The following ADGRL2 variants were observed in gnomAD, a reference collection of about 807,000 sequenced individuals.
ADGRL2 encodes calcium-independent alpha-latrotoxin receptor 2.
ADGRL2 carries 44 observed loss-of-function variants against 157.4 expected under a neutral mutation model. That is an observed-to-expected ratio of 0.28 (90% CI 0.22 to 0.36). The LOEUF is 0.36. ADGRL2 is among the 10% of genes least tolerant of loss of function. ADGRL2 has a pLI of 1.00. For synonymous variants in ADGRL2, 585 were observed against 624.7 expected, an observed-to-expected ratio of 0.94 and a Z score of 0.95; for missense variants, 1,510 against 1,768.9, an observed-to-expected ratio of 0.85 and a Z score of 2.63.
intron 2 of ADGRL2, among the ~76,000 whole-genome samples, chr1:81,785,361 T>C (rs1316152541): frequency 2.0e-5 from 3 of 152,158 alleles, no homozygotes; most frequent in Admixed American, 6.5e-5. Context: ...TCAGAAATTA[T>C]ATATTACTTA....
intron 1 of ADGRL2, among the ~76,000 whole-genome samples, chr1:81,333,316 C>A (rs775097452): frequency 3.3e-5 from 5 of 152,022 alleles, no homozygotes; most frequent in Non-Finnish European, 5.9e-5. Flanking sequence ...TTTTATGGTA[C>A]CTTATTAGAG....
At chr1:81,502,904 C>T in intron 2 of ADGRL2, 3 of 1,613,326 alleles carry the variant, frequency 1.9e-6, no homozygotes, top group South Asian at 1.1e-5. Flanking sequence ...AGCAGTGGCA[C>T]CAATACCAGT....
intron 1 of ADGRL2, among the ~76,000 whole-genome samples, chr1:81,409,677 T>G (rs1411871691): frequency 1.3e-5 from 2 of 152,206 alleles, no homozygotes; most frequent in African/African-American, 4.8e-5. Flanking sequence ...GGTGTAAGGG[T>G]GACTTTGTGA....
chr1:81,425,071 C>T (rs2077187810), intron 1 of ADGRL2, among the ~76,000 whole-genome samples: 1 of 152,170 alleles, frequency 6.6e-6, no homozygotes, highest in African/African-American at 2.4e-5. Context: ...TCAGCAGAGG[C>T]TTTCTAAATC....
chr1:81,856,730 C>T (rs916271255), intron 2 of ADGRL2, among the ~76,000 whole-genome samples: 1 of 151,750 alleles, frequency 6.6e-6, no homozygotes, highest in Non-Finnish European at 1.5e-5. Context: ...AAGTTACTGC[C>T]ATTAACAATA....
Position 81,849,208 on chromosome 1 carries a change from T to C in ADGRL2, c.73+12151T>C, listed in dbSNP as rs116735263. ...GATAGCACTGATTGAGTGGAAAACC[T>C]TCAGTGACAAAAGACTGGATATAGG... On this transcript the variant is annotated intron_variant, in intron 2 of 23. Transcript: ENST00000686636. Among the ~76,000 whole-genome samples the C allele has an allele frequency of 5.3e-3, 807 of 152,062 alleles. 10 individuals carry two copies. Among genetic ancestry groups the C allele is most frequent in the African/African-American group, 0.019 (770 of 41,562 alleles).
intron 1 of ADGRL2, among the ~76,000 whole-genome samples, chr1:81,759,001 A>C (rs2085782973): frequency 6.6e-6 from 1 of 152,158 alleles, no homozygotes; most frequent in Non-Finnish European, 1.5e-5. Flanking sequence ...CTGTATCATT[A>C]ATGAGAAGTT....
chr1:81,779,679 T>C (rs2086736146), intron 2 of ADGRL2, among the ~76,000 whole-genome samples: 1 of 152,228 alleles, frequency 6.6e-6, no homozygotes, highest in South Asian at 2.1e-4. Flanking sequence ...CTGGTTTCTT[T>C]AGTTTCCTCC....
intron 1 of ADGRL2, among the ~76,000 whole-genome samples, chr1:81,413,610 A>G (rs1306176136): frequency 6.6e-6 from 1 of 152,192 alleles, no homozygotes; most frequent in African/African-American, 2.4e-5. Context: ...CTCGTTCGAG[A>G]GTTGTTTTGG....
chr1:81,436,515 G>A (rs1160969430), intron 1 of ADGRL2, among the ~76,000 whole-genome samples: 1 of 152,178 alleles, frequency 6.6e-6, no homozygotes, highest in African/African-American at 2.4e-5. Context: ...AGCCATGAGT[G>A]CTGGGATCAC....
At chr1:81,848,900 C>A (rs747955263) in intron 2 of ADGRL2, among the ~76,000 whole-genome samples, 6 of 152,092 alleles carry the variant, frequency 3.9e-5, no homozygotes, top group Non-Finnish European at 5.9e-5. Context: ...TATCAGTCAT[C>A]ATTAAAACAG....
intron 1 of ADGRL2, among the ~76,000 whole-genome samples, chr1:81,382,354 A>G (rs2076358082): frequency 6.6e-6 from 1 of 152,284 alleles, no homozygotes; most frequent in Non-Finnish European, 1.5e-5. Flanking sequence ...TACTATTGCT[A>G]TTTGAGTTTA....
At chr1:81,814,568 T>C (rs1334986962) in intron 1 of ADGRL2, among the ~76,000 whole-genome samples, 1 of 151,486 alleles carries the variant, frequency 6.6e-6, no homozygotes, top group East Asian at 1.9e-4. Flanking sequence ...CTGCATGTTT[T>C]AATAACTGTA....
chr1:81,785,107 AGGGAAT>A (rs2086982522), intron 2 of ADGRL2, among the ~76,000 whole-genome samples: 2 of 152,178 alleles, frequency 1.3e-5, no homozygotes, highest in African/African-American at 4.8e-5. Flanking sequence ...CAGGTTGTAC[AGGGAAT>A]TATTTGTGAT....
chr1:81,481,223 G>A (rs930238018), intron 2 of ADGRL2, among the ~76,000 whole-genome samples: 1 of 152,094 alleles, frequency 6.6e-6, no homozygotes, highest in African/African-American at 2.4e-5. Context: ...AAACTAAGAA[G>A]CCCCATAAAC....
At chr1:81,515,224 TA>T (rs2079152511) in intron 2 of ADGRL2, 1 of 152,002 alleles carries the variant, frequency 6.6e-6, no homozygotes, top group African/African-American at 2.4e-5. Flanking sequence ...AGAGGAAAAA[TA>T]AATCATTTAA....
At chr1:81,908,894 A>C (rs145313116) in intron 3 of ADGRL2, among the ~76,000 whole-genome samples, 1,588 of 141,650 alleles carry the variant, frequency 0.011, 21 homozygotes, top group Middle Eastern at 0.019. Context: ...TTTTTTTTTA[A>C]GACAGAGTCT....
At chr1:81,361,034 A>T (rs1399478380) in intron 1 of ADGRL2, among the ~76,000 whole-genome samples, 14 of 151,866 alleles carry the variant, frequency 9.2e-5, no homozygotes. Context: ...GAAAGCCCCT[A>T]ATCTTGCACT....
chr1:81,581,547 T>G (rs2080907281), intron 3 of ADGRL2, among the ~76,000 whole-genome samples: 1 of 152,198 alleles, frequency 6.6e-6, no homozygotes, highest in East Asian at 1.9e-4. Flanking sequence ...AGATTTGATT[T>G]GATTCCTAAA....
Sources: allele counts gnomAD v4.1 joint callset (sites outside exome capture counted in the v4.1 genomes callset), GRCh38; gene constraint gnomAD v4.1.1; transcripts MANE v1.5; gene names NCBI Gene and HGNC (gene_info 2026-07-23, HGNC 2026-07-21).